Variants in NFAT5 observed in about 807,000 individuals in gnomAD.
The protein encoded by NFAT5 is nuclear factor of activated T cells 5, also known as nuclear factor of activated T-cells 5.
NFAT5 carries 31 observed loss-of-function variants against 166.5 expected under a neutral mutation model. The ratio of observed to expected loss-of-function variants is 0.19; its 90% CI spans 0.14 to 0.25. The LOEUF (loss-of-function observed/expected upper bound fraction) is 0.25, where lower values mean the gene tolerates loss of function less well. NFAT5 is among the 10% of genes least tolerant of loss of function. The pLI is 1.00. For synonymous variants in NFAT5, 612 were observed against 639.7 expected, an observed-to-expected ratio of 0.96 and a Z score of 0.65; for missense variants, 1,449 against 1,821.8, an observed-to-expected ratio of 0.80 and a Z score of 3.72.
intron 4 of NFAT5, among the ~76,000 whole-genome samples, chr16:69,648,046 G>A (rs2035515624): frequency 6.6e-6 from 1 of 151,826 alleles, no homozygotes. Flanking sequence ...ATTGTGGCAT[G>A]TGCCTGTAAT....
intron 3 of NFAT5, among the ~76,000 whole-genome samples, chr16:69,635,941 A>G (rs1219470749): frequency 4.6e-5 from 7 of 152,184 alleles, no homozygotes; most frequent in Non-Finnish European, 8.8e-5. Flanking sequence ...TCATTTCAGC[A>G]TTAACCCAAA....
chr16:69,604,981 T>G (rs1256780542), intron 2 of NFAT5, among the ~76,000 whole-genome samples: 1 of 152,214 alleles, frequency 6.6e-6, no homozygotes, highest in Non-Finnish European at 1.5e-5. Context: ...TTCCACCTTC[T>G]GGCCATTGTG....
At chr16:69,644,944 C>T in intron 3 of NFAT5, 2 of 399,478 alleles carry the variant, frequency 5.0e-6, no homozygotes, top group South Asian at 1.9e-5. Flanking sequence ...ATGCTGCATA[C>T]TTGTATGCTG....
intron 6 of NFAT5, among the ~76,000 whole-genome samples, chr16:69,659,372 G>C (rs2036027984): frequency 6.6e-6 from 1 of 151,932 alleles, no homozygotes; most frequent in Non-Finnish European, 1.5e-5. Flanking sequence ...AACCCCAGGA[G>C]ACAGAGGTTG....
At chr16:69,590,599 G>A (rs1232806016) in intron 2 of NFAT5, among the ~76,000 whole-genome samples, 3 of 152,188 alleles carry the variant, frequency 2.0e-5, no homozygotes, top group Admixed American at 2.0e-4. Flanking sequence ...ACCAAATCAT[G>A]TTTTAAATTT....
At chr16:69,687,323 C>A (rs1480246544) in intron 11 of NFAT5, among the ~76,000 whole-genome samples, 2 of 151,682 alleles carry the variant, frequency 1.3e-5, no homozygotes, top group Non-Finnish European at 2.9e-5. Flanking sequence ...TGCTTGTAAT[C>A]CTAGCTAGTT....
intron 3 of NFAT5, among the ~76,000 whole-genome samples, chr16:69,637,013 C>T (rs2034997343): frequency 6.6e-6 from 1 of 152,148 alleles, no homozygotes; most frequent in South Asian, 2.1e-4. Context: ...AACTGAATGC[C>T]TTTAACAGAA....
intron 9 of NFAT5, among the ~76,000 whole-genome samples, chr16:69,674,993 T>C (rs1342278249): frequency 6.6e-6 from 1 of 152,232 alleles, no homozygotes; most frequent in Non-Finnish European, 1.5e-5. Context: ...AGTTAATTGT[T>C]TCTAATTTAT....
chr16:69,611,634 A>T (rs2033708041), intron 2 of NFAT5, among the ~76,000 whole-genome samples: 1 of 152,196 alleles, frequency 6.6e-6, no homozygotes, highest in Admixed American at 6.5e-5. Context: ...TTTGAAGATG[A>T]TGCTTTCTTA....
Position 69,616,256 on chromosome 16 carries a change from G to T in NFAT5, c.128-10147G>T, listed in dbSNP as rs560075905. ...CCCTGCTTGGATTGTAACTCCCCGTGCTGGGCTCCCCCTCTCTTGCCCAGT... is the reference window on the plus strand; with the variant it reads ...CCCTGCTTGGATTGTAACTCCCCGTTCTGGGCTCCCCCTCTCTTGCCCAGT... On this transcript the variant is annotated intron_variant, in intron 2 of 14. Transcript: ENST00000349945. 5.3e-5 allele frequency among the ~76,000 whole-genome samples: 8 copies of T among 151,584 alleles called. No individual in the cohort carries two copies. In the East Asian group the frequency reaches 1.4e-3, roughly 26 times the overall value.
chr16:69,644,931 T>C (rs1456847730), intron 3 of NFAT5: 4 of 434,358 alleles, frequency 9.2e-6, no homozygotes, highest in Non-Finnish European at 1.4e-5. Context: ...CTGCAAATAT[T>C]GCATGCTGCA....
rs1452830043 is a variant in NFAT5 at position 69,566,068 on chromosome 16, T to C, written c.-234T>C. 4 of 420,228 alleles carry C rather than the reference T, an allele frequency of 9.5e-6. No individual in the cohort carries two copies. The highest frequency in any genetic ancestry group is 1.7e-5 in the Non-Finnish European group (4 of 233,678). The allele number at this position is 420,228 out of a possible 1,614,324, so 26.0% of individuals were successfully genotyped here. On this transcript the variant is annotated 5_prime_UTR_variant, in exon 1 of 15. Transcript: ENST00000349945. The surrounding 1 kb of genome is among the most constrained non-coding windows in gnomAD (Gnocchi z 5.7). ...CTCTCCCCCTTCCCCTTCCCCGTCC[T>C]GAACCCCTCTCCTGGTCACCGAGAA...
intron 2 of NFAT5, among the ~76,000 whole-genome samples, chr16:69,584,159 G>T (rs1381995422): frequency 6.6e-6 from 1 of 152,228 alleles, no homozygotes; most frequent in South Asian, 2.1e-4. Context: ...CCTGGAGGTG[G>T]AAGTTGCAGG....
chr16:69,591,802 A>C (rs949112249), intron 2 of NFAT5, among the ~76,000 whole-genome samples: 2 of 152,156 alleles, frequency 1.3e-5, no homozygotes, highest in Non-Finnish European at 2.9e-5. Flanking sequence ...ACTTAAGGCC[A>C]GGAGTTCAAG....
At position 69,692,188 on chromosome 16, in the gene NFAT5, A is replaced by G; in HGVS notation, c.2363A>G (p.Gln788Arg). Residue 788 changes from glutamine (Q) to arginine (R), a missense_variant, in exon 13 of 15, where the codon CAG (glutamine) becomes CGG (arginine). Transcript: ENST00000349945. Reference sequence around the variant, plus strand: ...TTTCCATCACCAAATAGTGTGAGTCAGCTTCAGAATACTATTCAGCAGCTG... The same window carrying G: ...TTTCCATCACCAAATAGTGTGAGTCGGCTTCAGAATACTATTCAGCAGCTG... The part of the protein sequence containing the change: ...NIFPSPNSVS[Q>R]LQNTIQQLQA... The G allele has an allele frequency of 6.2e-7, 1 of 1,614,240 alleles. No individual in the cohort carries two copies. The highest frequency in any genetic ancestry group is 8.5e-7 in the Non-Finnish European group (1 of 1,180,044).
chr16:69,636,439 C>G (rs912414897), intron 3 of NFAT5, among the ~76,000 whole-genome samples: 1 of 152,194 alleles, frequency 6.6e-6, no homozygotes, highest in Non-Finnish European at 1.5e-5. Flanking sequence ...TGTGGGGTCT[C>G]CAACCCCACA....
At chr16:69,569,110 T>G (rs1338703016) in intron 2 of NFAT5, among the ~76,000 whole-genome samples, 2 of 152,174 alleles carry the variant, frequency 1.3e-5, no homozygotes, top group African/African-American at 4.8e-5. Context: ...GTCTGTAGAT[T>G]AGTTTAAACA....
chr16:69,675,590 T>C (rs942121426), intron 9 of NFAT5, among the ~76,000 whole-genome samples: 6 of 152,154 alleles, frequency 3.9e-5, no homozygotes, highest in Non-Finnish European at 7.4e-5. Context: ...ATGGCCAACT[T>C]AGGAGGCATT....
chr16:69,676,117 G>A (rs1208436857), intron 9 of NFAT5, among the ~76,000 whole-genome samples: 1 of 152,104 alleles, frequency 6.6e-6, no homozygotes, highest in East Asian at 1.9e-4. Flanking sequence ...TCAAACTCAC[G>A]TCACCCTCAG....
Sources: allele counts gnomAD v4.1 joint callset (sites outside exome capture counted in the v4.1 genomes callset), GRCh38; gene constraint gnomAD v4.1.1; non-coding constraint Gnocchi (gnomAD v3.1); transcripts MANE v1.5; gene names NCBI Gene and HGNC (gene_info 2026-07-23, HGNC 2026-07-21).